The following DOCK2 variants were observed in gnomAD, a reference collection of about 807,000 sequenced individuals.
DOCK2 encodes dedicator of cytokinesis protein 2.
A neutral mutation model predicts 248.9 loss-of-function variants in DOCK2; 87 were observed. That is an observed-to-expected ratio of 0.35 (90% CI 0.29 to 0.42). DOCK2 has a LOEUF of 0.42. Ranked by LOEUF, DOCK2 falls within the 10% of genes least tolerant of loss-of-function variation. DOCK2 has a pLI of 1.00. For missense variants in DOCK2, 1,747 were observed against 2,300.2 expected, an observed-to-expected ratio of 0.76 and a Z score of 4.92; for synonymous variants, 805 against 821.6, an observed-to-expected ratio of 0.98 and a Z score of 0.35.
rs58980222 is a variant in DOCK2 at position 170,008,706 on chromosome 5, G to T, written c.3192G>T (p.Arg1064=). 1.7e-3 allele frequency: 2,755 copies of T among 1,614,044 alleles called. 33 individuals are homozygous for T. In the East Asian group the frequency reaches 0.027, roughly 16 times the overall value. ...KILNKYGDMR[R]LIGFSIRDMW... ...CTCCTAGGTATGGGGACATGAGACG[G>T]CTAATTGGCTTCTCCATCCGTGATA... Residue 1064 remains arginine (R), a synonymous_variant, in exon 32 of 52, where the codon CGG becomes CGT. Transcript: ENST00000520908.
At chr5:169,670,515 T>TATTTC (rs59990637) in intron 3 of DOCK2, 27 bp from the exon 4 acceptor site, 1 of 1,598,650 alleles carries the variant, frequency 6.3e-7, no homozygotes, top group Admixed American at 1.7e-5. Flanking sequence ...TATTTTATTT[T>TATTTC]GTTTTGTTTT....
At chr5:170,050,069 A>G (rs1384205752) in intron 40 of DOCK2, among the ~76,000 whole-genome samples, 187 bp from the exon 41 acceptor site, 1 of 152,114 alleles carries the variant, frequency 6.6e-6, no homozygotes, top group Non-Finnish European at 1.5e-5. Context: ...CAGACCCTTT[A>G]AAGTAGTGAT....
At chr5:169,817,864 A>T (rs1176503411) in intron 26 of DOCK2, among the ~76,000 whole-genome samples, 9 of 152,256 alleles carry the variant, frequency 5.9e-5, no homozygotes, top group Non-Finnish European at 1.2e-4. Flanking sequence ...CCGTGGTTTG[A>T]CTGATCCTCC....
rs745716777 is a variant in DOCK2, at chr5:169,718,798, A to G, written c.2267+7A>G. ...CGAGGACATTATTTTCACAGTGAGTACTTGTTATGTAAGAGTGATTGATTA... is the reference window on the plus strand; with the variant it reads ...CGAGGACATTATTTTCACAGTGAGTGCTTGTTATGTAAGAGTGATTGATTA... On this transcript the variant is annotated splice_region_variant and intron_variant, in intron 22 of 51. Coordinates refer to ENST00000520908, the MANE Select transcript of DOCK2 (RefSeq NM_004946.3). 4.3e-5 allele frequency: 69 copies of G among 1,612,522 alleles called. No homozygotes were observed. Among genetic ancestry groups the G allele is most frequent in the African/African-American group, 6.7e-5 (5 of 74,898 alleles).
chr5:169,840,625 G>GATGAT, intron 26 of DOCK2, 132 bp from the exon 27 acceptor site: 8 of 694,786 alleles, frequency 1.2e-5, no homozygotes, highest in Admixed American at 2.1e-5. Context: ...TGATGATGAT[G>GATGAT]GCAGTAGTGG....
In DOCK2 at chr5:169,902,968, C is replaced by G. The variant is rs573997538; in HGVS notation, c.2799+62116C>G. On this transcript the variant is annotated intron_variant, in intron 27 of 51. Coordinates refer to ENST00000520908, the MANE Select transcript of DOCK2 (RefSeq NM_004946.3). ...CAAAAATTAGCTGGGTGTGGTGGCA[C>G]ATGCCTGTAGTCCCAGCTACTCGGG... 2.5e-4 allele frequency among the ~76,000 whole-genome samples: 38 copies of G among 152,120 alleles called. No homozygotes were observed. In the East Asian group the frequency reaches 5.6e-3, roughly 22 times the overall value.
At chr5:170,015,408 G>T (rs1006540352) in intron 32 of DOCK2, among the ~76,000 whole-genome samples, 3 of 152,146 alleles carry the variant, frequency 2.0e-5, no homozygotes, top group African/African-American at 7.2e-5. Flanking sequence ...ACGGGGCCTG[G>T]AAGGAAGCTG....
At chr5:169,932,011 C>A (rs1038561198) in intron 27 of DOCK2, among the ~76,000 whole-genome samples, 1 of 152,194 alleles carries the variant, frequency 6.6e-6, no homozygotes, top group Admixed American at 6.5e-5. Flanking sequence ...CAGCCATAAG[C>A]CCAACAGAGT....
chr5:169,841,643 A>T (rs922144128), intron 27 of DOCK2: 2 of 185,984 alleles, frequency 1.1e-5, no homozygotes, highest in African/African-American at 2.4e-5. Flanking sequence ...AACATGATAG[A>T]TGTGCTGTTT....
intron 23 of DOCK2, among the ~76,000 whole-genome samples, chr5:169,753,833 A>G (rs539055290): frequency 1.3e-5 from 2 of 152,342 alleles, no homozygotes; most frequent in East Asian, 3.9e-4. Flanking sequence ...GGGACAACTC[A>G]GCATCTCAAA....
chr5:169,715,700 C>G (rs746841634), intron 19 of DOCK2, among the ~76,000 whole-genome samples: 5 of 151,480 alleles, frequency 3.3e-5, no homozygotes, highest in African/African-American at 9.7e-5. Context: ...TTTTTACACA[C>G]GTAAACACCA....
At chr5:169,691,740 G>C (rs1282123456) in intron 9 of DOCK2, among the ~76,000 whole-genome samples, 2 of 152,248 alleles carry the variant, frequency 1.3e-5, no homozygotes, top group South Asian at 4.2e-4. Context: ...TCCTATGTTG[G>C]GGGAAGGCTT....
chr5:169,980,817 G>A (rs1777914650), intron 27 of DOCK2: 1 of 152,234 alleles, frequency 6.6e-6, no homozygotes, highest in African/African-American at 2.4e-5. Flanking sequence ...GCCTGAGCAG[G>A]AAAAAGAATT....
At chr5:170,038,497 A>C (rs1372420187) in intron 36 of DOCK2, among the ~76,000 whole-genome samples, 1 of 152,202 alleles carries the variant, frequency 6.6e-6, no homozygotes, top group Non-Finnish European at 1.5e-5. Context: ...AAAAATCAAA[A>C]TTTCCCTTTT....
intron 6 of DOCK2, among the ~76,000 whole-genome samples, chr5:169,679,296 C>G (rs1356585234): frequency 1.3e-5 from 2 of 152,186 alleles, no homozygotes; most frequent in Non-Finnish European, 2.9e-5. Context: ...TTTATCACTT[C>G]CTTGAACAGA....
chr5:169,852,762 G>C (rs1683423950), intron 27 of DOCK2, among the ~76,000 whole-genome samples: 1 of 152,190 alleles, frequency 6.6e-6, no homozygotes, highest in South Asian at 2.1e-4. Context: ...TTATTTTACA[G>C]GCCTGCCTTT....
chr5:170,070,671 G>A (rs1255008323), intron 46 of DOCK2, among the ~76,000 whole-genome samples: 1 of 152,162 alleles, frequency 6.6e-6, no homozygotes, highest in Non-Finnish European at 1.5e-5. Context: ...GAGGCCTCAG[G>A]GAAGGCTAAC....
chr5:169,975,329 C>T (rs778966860), intron 27 of DOCK2, among the ~76,000 whole-genome samples: 22 of 152,200 alleles, frequency 1.4e-4, no homozygotes, highest in Non-Finnish European at 2.5e-4. Flanking sequence ...AGCTTTCCAG[C>T]ACACAGCAGC....
intron 51 of DOCK2, among the ~76,000 whole-genome samples, chr5:170,082,297 C>A (rs921271672): frequency 1.3e-5 from 2 of 152,144 alleles, no homozygotes; most frequent in Non-Finnish European, 1.5e-5. Context: ...TTTTATTCAA[C>A]CTATATCACA....
Sources: allele counts gnomAD v4.1 joint callset (sites outside exome capture counted in the v4.1 genomes callset), GRCh38; gene constraint gnomAD v4.1.1; transcripts MANE v1.5; gene names NCBI Gene and HGNC (gene_info 2026-07-23, HGNC 2026-07-21).